Variants in TMEM120B observed in about 807,000 individuals in gnomAD.
The protein encoded by TMEM120B is transmembrane protein 120B.
In TMEM120B, 31 loss-of-function variants were observed where a neutral mutation model predicts 55.5. That is an observed-to-expected ratio of 0.56 (90% CI 0.42 to 0.75). The LOEUF is 0.75. TMEM120B is among the 30% of genes least tolerant of loss of function. TMEM120B has a pLI of 0.00. For missense variants in TMEM120B, 399 were observed against 425.5 expected (o/e 0.94, Z 0.55); for synonymous variants, 203 against 176.3 (o/e 1.15, Z -1.20).
At chr12:121,762,674 A>T (rs927186333) in intron 6 of TMEM120B, among the ~76,000 whole-genome samples, 1 of 152,142 alleles carries the variant, frequency 6.6e-6, no homozygotes, top group Non-Finnish European at 1.5e-5. Flanking sequence ...TACTAGGAGG[A>T]TGGACGGGTT....
intron 2 of TMEM120B, among the ~76,000 whole-genome samples, chr12:121,744,967 C>T (rs1873038636): frequency 6.6e-6 from 1 of 152,158 alleles, no homozygotes; most frequent in African/African-American, 2.4e-5. Flanking sequence ...AGAGTTTCTT[C>T]AGATTCTCAG....
rs1466259501 is a variant in TMEM120B, at chr12:121,712,775, C to A, written c.-121C>A. On this transcript the variant is annotated 5_prime_UTR_variant, in exon 1 of 12. Transcript: ENST00000449592. ...TCAGTTGCGCGCGTGGCTCTGGCTGCGCAGGAACAGCTGGTGCCTCCGAGG... is the reference window on the plus strand; with the variant it reads ...TCAGTTGCGCGCGTGGCTCTGGCTGAGCAGGAACAGCTGGTGCCTCCGAGG... The A allele has an allele frequency of 4.4e-5, 27 of 609,698 alleles. No individual in the cohort carries two copies. Among genetic ancestry groups the A allele is most frequent in the Non-Finnish European group, 4.9e-5 (21 of 425,488 alleles). The allele number at this position is 609,698 out of a possible 1,614,324, so 37.8% of individuals were successfully genotyped here. A position where few individuals can be genotyped will look rare whatever the true frequency, so the allele number is the denominator to read the frequency against.
intron 1 of TMEM120B, among the ~76,000 whole-genome samples, chr12:121,742,656 G>T (rs1872966196): frequency 6.6e-6 from 1 of 151,864 alleles, no homozygotes; most frequent in Admixed American, 6.6e-5. Flanking sequence ...CGTGGTCTTA[G>T]TTCACTGCAA....
intron 1 of TMEM120B, among the ~76,000 whole-genome samples, chr12:121,733,760 A>G (rs1417976896): frequency 1.5e-5 from 2 of 134,146 alleles, no homozygotes; most frequent in African/African-American, 5.7e-5. Flanking sequence ...CTGGTCTCGA[A>G]CTCTTGACCT....
chr12:121,762,011 G>T (rs1192535433), intron 6 of TMEM120B, among the ~76,000 whole-genome samples: 1 of 152,104 alleles, frequency 6.6e-6, no homozygotes, highest in Non-Finnish European at 1.5e-5. Context: ...AGAAGTGAGC[G>T]GCATGGCACG....
intron 5 of TMEM120B, among the ~76,000 whole-genome samples, chr12:121,757,084 A>G (rs911001807): frequency 1.3e-5 from 2 of 150,608 alleles, no homozygotes; most frequent in Non-Finnish European, 3.0e-5. Flanking sequence ...AGAGGTCAAC[A>G]TGACTTGAAC....
chr12:121,746,674 G>C (rs1014832515), intron 2 of TMEM120B, among the ~76,000 whole-genome samples: 18 of 152,138 alleles, frequency 1.2e-4, no homozygotes, highest in African/African-American at 3.6e-4. Flanking sequence ...TGAGAAGAAG[G>C]CCGGGCGTGG....
intron 1 of TMEM120B, among the ~76,000 whole-genome samples, chr12:121,713,530 C>T (rs1432816938): frequency 6.6e-6 from 1 of 152,122 alleles, no homozygotes; most frequent in Non-Finnish European, 1.5e-5. Flanking sequence ...CTGATTTTGG[C>T]GTGGAGAGCA....
At chr12:121,772,775 A>C (rs1874107474) in intron 8 of TMEM120B, among the ~76,000 whole-genome samples, 1 of 152,224 alleles carries the variant, frequency 6.6e-6, no homozygotes, top group South Asian at 2.1e-4. Context: ...ACCTGCTTGC[A>C]AACAAATACA....
chr12:121,778,689 G>A lies in TMEM120B; in HGVS notation c.*2967G>A, dbSNP rs1332232867. 2 of 152,228 alleles carry A rather than the reference G, an allele frequency of 1.3e-5. No individual in the cohort carries two copies. Among genetic ancestry groups the A allele is most frequent in the Non-Finnish European group, 2.9e-5 (2 of 68,100 alleles). 9.4% of individuals were successfully genotyped at this position (152,228 alleles called of 1,614,324 possible). ...TTGAGGGACAGCAGGTTGGGAGCTT[G>A]AGGACTAAGTGGGCCAGTCCTGTCC... On this transcript the variant is annotated 3_prime_UTR_variant, in exon 12 of 12. Coordinates refer to ENST00000449592, the MANE Select transcript of TMEM120B (RefSeq NM_001080825.2).
intron 1 of TMEM120B, among the ~76,000 whole-genome samples, chr12:121,719,097 C>T (rs1012082406): frequency 6.6e-6 from 1 of 152,170 alleles, no homozygotes; most frequent in Non-Finnish European, 1.5e-5. Context: ...CTATGCCTTA[C>T]TTAACCAGTC....
rs1874469938 is a variant in TMEM120B, at chr12:121,781,845, G to A, written c.*6123G>A. On this transcript the variant is annotated 3_prime_UTR_variant, in exon 12 of 12. Transcript: ENST00000449592. Reference sequence around the variant, plus strand: ...GGTGGGTTGCTGGGAACAGCACCGAGCGCCCTCCCCACCCAGATTCACAGA... The same window carrying A: ...GGTGGGTTGCTGGGAACAGCACCGAACGCCCTCCCCACCCAGATTCACAGA... The A allele has an allele frequency of 6.6e-6, 1 of 152,484 alleles. No homozygotes were observed. Among genetic ancestry groups the A allele is most frequent in the Middle Eastern group, 3.4e-3 (1 of 294 alleles). 9.4% of individuals were successfully genotyped at this position (152,484 alleles called of 1,614,324 possible).
chr12:121,752,391 T>C (rs551166225), intron 5 of TMEM120B, among the ~76,000 whole-genome samples, 168 bp downstream of exon 5: 94 of 152,282 alleles, frequency 6.2e-4, no homozygotes, highest in African/African-American at 2.1e-3. Context: ...CAGTCCTGTC[T>C]GCCCCACCTC....
chr12:121,733,627 C>T (rs918934111), intron 1 of TMEM120B, among the ~76,000 whole-genome samples: 9 of 150,934 alleles, frequency 6.0e-5, no homozygotes, highest in African/African-American at 2.2e-4. Flanking sequence ...GCAGCCTCTG[C>T]CTTGGGTTCA....
intron 1 of TMEM120B, among the ~76,000 whole-genome samples, chr12:121,718,165 C>T (rs1894734728): frequency 6.6e-6 from 1 of 152,126 alleles, no homozygotes; most frequent in African/African-American, 2.4e-5. Context: ...CTGCGTGAAA[C>T]ACAGATTATC....
intron 8 of TMEM120B, 28 bp from the exon 9 acceptor site, chr12:121,773,393 G>A (rs1874125070): frequency 1.9e-6 from 3 of 1,591,452 alleles, no homozygotes; most frequent in East Asian, 4.5e-5. Context: ...ACCAGGCCCT[G>A]AGCCCAGGTG....
intron 1 of TMEM120B, among the ~76,000 whole-genome samples, chr12:121,743,302 G>C (rs1286597168): frequency 6.6e-6 from 1 of 151,834 alleles, no homozygotes; most frequent in Non-Finnish European, 1.5e-5. Context: ...TGTAATCCCA[G>C]CACTTTGGCA....
intron 6 of TMEM120B, 49 bp from the exon 7 acceptor site, chr12:121,770,858 T>G: frequency 6.4e-7 from 1 of 1,571,468 alleles, no homozygotes; most frequent in Non-Finnish European, 8.8e-7. Flanking sequence ...GACACATGCC[T>G]GCGTTGCTCT....
Position 121,779,189 on chromosome 12 carries a change from C to T in TMEM120B, c.*3467C>T, listed in dbSNP as rs982316929. On this transcript the variant is annotated 3_prime_UTR_variant, in exon 12 of 12. Transcript: ENST00000449592. Reference sequence around the variant, plus strand: ...ACCAGATAGACTTTTTCATTTCAAGCATAACTTGAGTCTGCACTGGGGAGA... The same window carrying T: ...ACCAGATAGACTTTTTCATTTCAAGTATAACTTGAGTCTGCACTGGGGAGA... 1 of 386,922 alleles carries T rather than the reference C, an allele frequency of 2.6e-6. No individual in the cohort carries two copies. The highest frequency in any genetic ancestry group is 2.0e-5 in the African/African-American group (1 of 50,062). 24.0% of individuals were successfully genotyped at this position (386,922 alleles called of 1,614,324 possible).
Sources: allele counts gnomAD v4.1 joint callset (sites outside exome capture counted in the v4.1 genomes callset), GRCh38; gene constraint gnomAD v4.1.1; transcripts MANE v1.5; gene names NCBI Gene and HGNC (gene_info 2026-07-23, HGNC 2026-07-21).